QRICH1: variants seen among roughly 807,000 people sequenced by gnomAD.
QRICH1 encodes transcriptional regulator QRICH1.
Under a neutral mutation model 87.1 loss-of-function variants are expected in QRICH1, and 16 were observed. The observed-to-expected ratio is 0.18, with a 90% CI of 0.12 to 0.28. The LOEUF (loss-of-function observed/expected upper bound fraction) is 0.28. Ranked by LOEUF, QRICH1 falls within the 10% of genes least tolerant of loss-of-function variation. The pLI is 1.00. For synonymous variants in QRICH1, 367 were observed against 368.4 expected, an observed-to-expected ratio of 1.00 and a Z score of 0.05; for missense variants, 647 against 951.7, an observed-to-expected ratio of 0.68 and a Z score of 4.21.
At chr3:49,034,294 A>G (rs563957431) in intron 6 of QRICH1, among the ~76,000 whole-genome samples, 4 of 151,880 alleles carry the variant, frequency 2.6e-5, no homozygotes, top group African/African-American at 9.7e-5. Context: ...AATCAAAAAA[A>G]TTAGTCGTGT....
At chr3:49,093,885 C>A (rs2042329994) in intron 1 of QRICH1, 27 bp downstream of exon 1, 1 of 386,818 alleles carries the variant, frequency 2.6e-6, no homozygotes, top group Non-Finnish European at 4.6e-6. Flanking sequence ...AGCTTCGCCG[C>A]ATCCCCACCC....
chr3:49,037,162 C>T (rs141615053), intron 6 of QRICH1, among the ~76,000 whole-genome samples: 3 of 150,604 alleles, frequency 2.0e-5, no homozygotes, highest in East Asian at 2.0e-4. Context: ...TGTTTTGCAA[C>T]CCATAAAGAA....
At chr3:49,060,163 G>A (rs1036981442) in intron 2 of QRICH1, among the ~76,000 whole-genome samples, 21 of 150,418 alleles carry the variant, frequency 1.4e-4, no homozygotes, top group African/African-American at 4.9e-4. Flanking sequence ...GATTACAGGC[G>A]TGAGCCACCA....
Position 49,053,998 on chromosome 3 carries a change from A to G in QRICH1, c.1338+2864T>C, listed in dbSNP as rs535006214. 2.6e-5 allele frequency among the ~76,000 whole-genome samples: 4 copies of G among 152,316 alleles called. 1 individual carries two copies. The highest frequency in any genetic ancestry group is 9.6e-5 in the African/African-American group (4 of 41,584). On this transcript the variant is annotated intron_variant, in intron 3 of 9. Transcript: ENST00000395443. The stretch of plus-strand genomic sequence containing the variant: ...GGAGAGGGATGTTTGTGGTATATAT[A>G]GACAAACTCATCTTTCCCTTGGCAT...
chr3:49,050,412 G>C (rs1279426540), intron 3 of QRICH1, among the ~76,000 whole-genome samples: 1 of 104,996 alleles, frequency 9.5e-6, no homozygotes, highest in Non-Finnish European at 1.7e-5. Context: ...GACAGAGCCA[G>C]ACTCTGTCTC....
chr3:49,074,986 A>G (rs925721389), intron 2 of QRICH1, among the ~76,000 whole-genome samples: 8 of 152,070 alleles, frequency 5.3e-5, no homozygotes, highest in Admixed American at 3.9e-4. Context: ...CTTAAATAAA[A>G]AAGACCAAAT....
intron 2 of QRICH1, among the ~76,000 whole-genome samples, chr3:49,070,837 A>G (rs1303112100): frequency 2.0e-5 from 3 of 152,142 alleles, no homozygotes; most frequent in Admixed American, 2.0e-4. Flanking sequence ...GGATGTCATT[A>G]TATTTGTTTC....
intron 3 of QRICH1, among the ~76,000 whole-genome samples, chr3:49,049,900 C>T (rs948173419): frequency 2.6e-5 from 4 of 152,060 alleles, no homozygotes; most frequent in African/African-American, 7.2e-5. Flanking sequence ...TGAGTCACCA[C>T]ATGTTCAAAG....
At chr3:49,032,894 C>G (rs1340000077) in intron 7 of QRICH1, 121 bp from the exon 8 acceptor site, 4 of 1,268,398 alleles carry the variant, frequency 3.2e-6, no homozygotes, top group African/African-American at 1.5e-5. Flanking sequence ...TGGGCAGGCC[C>G]GTACCCAAGC....
At position 49,063,871 on chromosome 3, in the gene QRICH1, A is replaced by T. The variant is rs2093450066; in HGVS notation, c.310-5981T>A. Among the ~76,000 whole-genome samples, 5 of 152,302 alleles carry T rather than the reference A, an allele frequency of 3.3e-5. No individual in the cohort carries two copies. The South Asian group carries it at 8.3e-4, about 25-fold the overall frequency. On this transcript the variant is annotated intron_variant, in intron 2 of 9. Coordinates refer to ENST00000395443, the MANE Select transcript of QRICH1 (RefSeq NM_198880.3). ...ACATAGGTTATATCTAGTAATATTT[A>T]CTTGTACTCTAAATTAAAACTAGGA...
chr3:49,051,781 A>C (rs950414120), intron 3 of QRICH1, among the ~76,000 whole-genome samples: 3 of 152,132 alleles, frequency 2.0e-5, no homozygotes, highest in Non-Finnish European at 2.9e-5. Context: ...GTCTGGCTGA[A>C]CAAGTAGGCA....
rs761326665 is a variant in QRICH1 at position 49,057,744 on chromosome 3, C to G, written c.456G>C (p.Gln152His). The change falls in exon 3 of 10, where the codon CAG (glutamine) becomes CAC (histidine). Residue 152 changes from glutamine to histidine, a missense_variant. By Grantham distance (24) the Gln-to-His change is conservative (BLOSUM62 0). Coordinates refer to ENST00000395443, the MANE Select transcript of QRICH1 (RefSeq NM_198880.3). This position sits in a 1 kb window ranked among gnomAD's most constrained non-coding sequence, Gnocchi z 5.4. ...GACTGGGACTCTGCAGAGACGGGGTCTGAATGGAGGGGGCTGCTGACTGTG... is the reference window on the plus strand; with the variant it reads ...GACTGGGACTCTGCAGAGACGGGGTGTGAATGGAGGGGGCTGCTGACTGTG... Reference protein sequence around the residue: ...QAPQSAAPSIQTPSLQSPSPS... With the variant: ...QAPQSAAPSIHTPSLQSPSPS... 3.1e-6 allele frequency: 5 copies of G among 1,614,138 alleles called. No individual in the cohort carries two copies. In the East Asian group the frequency reaches 8.9e-5, roughly 29 times the overall value.
chr3:49,055,483 C>T (rs1481675387), intron 3 of QRICH1, among the ~76,000 whole-genome samples: 3 of 152,152 alleles, frequency 2.0e-5, no homozygotes, highest in Admixed American at 6.6e-5. Context: ...ATGCAACCCT[C>T]GCATCTACGC....
chr3:49,059,195 G>T (rs1356295699), intron 2 of QRICH1, among the ~76,000 whole-genome samples: 1 of 150,212 alleles, frequency 6.7e-6, no homozygotes, highest in Non-Finnish European at 1.5e-5. Flanking sequence ...TCCATCTCCT[G>T]ACCTCGTGAT....
At chr3:49,060,328 G>T (rs572235682) in intron 2 of QRICH1, among the ~76,000 whole-genome samples, 1 of 151,768 alleles carries the variant, frequency 6.6e-6, no homozygotes, top group South Asian at 2.1e-4. Flanking sequence ...CAAGTAGCTG[G>T]GACCACAGGC....
Position 49,057,837 on chromosome 3 carries a change from T to C in QRICH1, c.363A>G (p.Pro121=), listed in dbSNP as rs2093412250. 1 of 1,613,934 alleles carries C rather than the reference T, an allele frequency of 6.2e-7. No homozygotes were observed. Among genetic ancestry groups the C allele is most frequent in the Non-Finnish European group, 8.5e-7 (1 of 1,179,980 alleles). ...SPQQVSAQLS[P]QLTVHQPTEQ... Reference sequence around the variant, plus strand: ...CAGTAGGCTGGTGAACGGTGAGTTGTGGGGAGAGCTGAGCCGAGACCTGTT... The same window carrying C: ...CAGTAGGCTGGTGAACGGTGAGTTGCGGGGAGAGCTGAGCCGAGACCTGTT... The change falls in exon 3 of 10, where the codon CCA becomes CCG. Residue 121 remains proline (P), a synonymous_variant. Coordinates refer to ENST00000395443, the MANE Select transcript of QRICH1 (RefSeq NM_198880.3). This position sits in a 1 kb window ranked among gnomAD's most constrained non-coding sequence, Gnocchi z 5.4.
intron 5 of QRICH1, among the ~76,000 whole-genome samples, chr3:49,045,830 C>T (rs963857683): frequency 2.6e-5 from 4 of 150,996 alleles, no homozygotes; most frequent in Non-Finnish European, 5.9e-5. Context: ...GGGGCTCAAG[C>T]GATCCTCCTG....
rs994691949 is a variant in QRICH1 at position 49,071,700 on chromosome 3, C to CT, written c.309+5008dup. Among the ~76,000 whole-genome samples the CT allele has an allele frequency of 3.3e-5, 5 of 152,088 alleles. No individual in the cohort carries two copies. The East Asian group carries it at 5.8e-4, about 18-fold the overall frequency. ...AGCCAGAAAATCAGACTTCTTTTCTCTTTTTTTGAGACACCTTTCCTGTCC... is the reference window on the plus strand; with the variant it reads ...AGCCAGAAAATCAGACTTCTTTTCTCTTTTTTTTGAGACACCTTTCCTGTCC... On this transcript the variant is annotated intron_variant, in intron 2 of 9. Transcript: ENST00000395443.
chr3:49,032,861 C>A, intron 7 of QRICH1, 88 bp from the exon 8 acceptor site: 1 of 1,431,998 alleles, frequency 7.0e-7, no homozygotes, highest in Non-Finnish European at 9.4e-7. Flanking sequence ...TTCAGAGGAG[C>A]CACTGCCCAC....
Sources: allele counts gnomAD v4.1 joint callset (sites outside exome capture counted in the v4.1 genomes callset), GRCh38; gene constraint gnomAD v4.1.1; non-coding constraint Gnocchi (gnomAD v3.1); transcripts MANE v1.5; gene names NCBI Gene and HGNC (gene_info 2026-07-23, HGNC 2026-07-21).